The following RHOT1 variants were observed in gnomAD, a reference collection of about 807,000 sequenced individuals.
RHOT1 encodes the protein ras homolog family member T1, also known as mitochondrial Rho GTPase 1.
RHOT1 carries 27 observed loss-of-function variants against 95.3 expected under a neutral mutation model. The observed-to-expected ratio is 0.28, with a 90% CI of 0.21 to 0.39. The LOEUF (loss-of-function observed/expected upper bound fraction) is 0.39, where lower values mean the gene tolerates loss of function less well. Among genes scored for constraint, RHOT1 ranks in the 10% least tolerant of loss-of-function variants. The pLI is 1.00. For missense variants in RHOT1, 578 were observed against 786.7 expected, an observed-to-expected ratio of 0.73 and a Z score of 3.17; for synonymous variants, 227 against 263.5, an observed-to-expected ratio of 0.86 and a Z score of 1.34.
intron 13 of RHOT1, among the ~76,000 whole-genome samples, chr17:32,200,222 A>G (rs374215277): frequency 6.6e-6 from 1 of 151,842 alleles, no homozygotes; most frequent in South Asian, 2.1e-4. Context: ...GTTTTTTTCT[A>G]CTATCACTAG....
chr17:32,192,757 C>T (rs576825657), intron 9 of RHOT1, among the ~76,000 whole-genome samples: 6 of 151,602 alleles, frequency 4.0e-5, no homozygotes, highest in African/African-American at 1.2e-4. Context: ...CTGCAACCTC[C>T]GCTGCCCGGG....
intron 1 of RHOT1, among the ~76,000 whole-genome samples, chr17:32,145,145 C>A (rs1344771391): frequency 1.3e-5 from 2 of 151,750 alleles, no homozygotes; most frequent in Non-Finnish European, 2.9e-5. Flanking sequence ...ACTAACAATA[C>A]AATAATTAGT....
intron 1 of RHOT1, chr17:32,150,353 G>A: frequency 2.7e-6 from 1 of 366,596 alleles, no homozygotes; most frequent in Non-Finnish European, 4.8e-6. Flanking sequence ...TGCTGCTAAT[G>A]AACTTTTTTT....
chr17:32,159,388 C>A (rs995843259), intron 1 of RHOT1: 1 of 152,870 alleles, frequency 6.5e-6, no homozygotes, highest in African/African-American at 2.4e-5. Context: ...GAGAGGAGCC[C>A]CGAGGTGGAG....
At chr17:32,149,030 A>AG (rs1043306994) in intron 1 of RHOT1, among the ~76,000 whole-genome samples, 3 of 152,214 alleles carry the variant, frequency 2.0e-5, no homozygotes, top group Non-Finnish European at 4.4e-5. Context: ...CTGGATCAGA[A>AG]GGCCTTCTGT....
chr17:32,165,135 A>G (rs1193934008), intron 1 of RHOT1, among the ~76,000 whole-genome samples: 1 of 152,090 alleles, frequency 6.6e-6, no homozygotes, highest in Non-Finnish European at 1.5e-5. Flanking sequence ...GGTCAGATCG[A>G]GACCATCCTG....
intron 1 of RHOT1, chr17:32,143,009 G>A: frequency 1.4e-6 from 1 of 706,834 alleles, no homozygotes; most frequent in Middle Eastern, 2.3e-4. Flanking sequence ...GTCCCTATTA[G>A]CCCTAACCGC....
intron 14 of RHOT1, 136 bp from the exon 15 acceptor site, chr17:32,202,634 A>C (rs1161518761): frequency 1.6e-6 from 1 of 630,806 alleles, no homozygotes; most frequent in Non-Finnish European, 2.7e-6. Flanking sequence ...ACTGTTGTAC[A>C]ATATGTTTGT....
intron 1 of RHOT1, among the ~76,000 whole-genome samples, chr17:32,149,689 T>TCA (rs1221613373): frequency 9.3e-6 from 1 of 107,014 alleles, no homozygotes; most frequent in Non-Finnish European, 2.0e-5. Context: ...ATACATACAC[T>TCA]CACACACATA....
At chr17:32,182,387 AG>A (rs2035711840) in intron 6 of RHOT1, among the ~76,000 whole-genome samples, 1 of 152,148 alleles carries the variant, frequency 6.6e-6, no homozygotes, top group East Asian at 1.9e-4. Flanking sequence ...TAGGGAGGCT[AG>A]GGCAAGTGGA....
chr17:32,150,585 C>G, intron 1 of RHOT1: 1 of 1,587,276 alleles, frequency 6.3e-7, no homozygotes. Context: ...GAGAGGAACC[C>G]TGTCCTCCTA....
At chr17:32,191,322 T>G (rs2036473796) in intron 8 of RHOT1, among the ~76,000 whole-genome samples, 1 of 152,206 alleles carries the variant, frequency 6.6e-6, no homozygotes, top group Non-Finnish European at 1.5e-5. Flanking sequence ...CTGTCATCAT[T>G]ACCATTTTGT....
At chr17:32,156,179 C>A (rs931334139) in intron 1 of RHOT1, among the ~76,000 whole-genome samples, 1 of 152,232 alleles carries the variant, frequency 6.6e-6, no homozygotes, top group Non-Finnish European at 1.5e-5. Context: ...TCTGCCAAAT[C>A]ACTTTCCCAC....
intron 13 of RHOT1, 135 bp from the exon 14 acceptor site, chr17:32,200,821 C>A: frequency 1.7e-6 from 1 of 586,986 alleles, no homozygotes. Flanking sequence ...TATGGTTGGG[C>A]TCATAGGAAA....
chr17:32,170,886 A>G (rs528221525), intron 1 of RHOT1, among the ~76,000 whole-genome samples, 157 bp from the exon 2 acceptor site: 51 of 152,336 alleles, frequency 3.3e-4, no homozygotes, highest in African/African-American at 1.1e-3. Context: ...TGACTTTTCT[A>G]AACATAAAGA....
intron 19 of RHOT1, among the ~76,000 whole-genome samples, chr17:32,222,155 A>G (rs762764100): frequency 6.6e-6 from 1 of 152,248 alleles, no homozygotes; most frequent in Admixed American, 6.5e-5. Flanking sequence ...GGGAGGCCAA[A>G]GATGAAGAGA....
rs113778915 is a variant in RHOT1, at chr17:32,194,126, TTTGTTG to T, written c.869+31_869+36del. On this transcript the variant is annotated intron_variant, in intron 11 of 19. Coordinates refer to ENST00000545287, the MANE Select transcript of RHOT1 (RefSeq NM_001033566.3). ...TCCCCCTGTATGTACCTTTGTTTTT[TTTGTTG>T]TTGTTGTTGTTTAATTTTTTATTGA... 8 of 1,608,598 alleles carry T rather than the reference TTTGTTG, an allele frequency of 5.0e-6. No individual in the cohort carries two copies. Among genetic ancestry groups the T allele is most frequent in the Non-Finnish European group, 6.8e-6 (8 of 1,177,748 alleles).
intron 18 of RHOT1, chr17:32,208,716 T>G (rs757524681): frequency 1.2e-5 from 2 of 160,040 alleles, no homozygotes; most frequent in African/African-American, 4.8e-5. Flanking sequence ...TTCTAAAATA[T>G]TTTATTAATT....
In RHOT1 at chr17:32,207,111, C is replaced by T. The variant is rs147001894; in HGVS notation, c.1536+82C>T. 49 of 1,271,162 alleles carry T rather than the reference C, an allele frequency of 3.9e-5. No homozygotes were observed. In the East Asian group the frequency reaches 8.2e-4, roughly 21 times the overall value. 78.7% of individuals were successfully genotyped at this position (1,271,162 alleles called of 1,614,324 possible). ...ATTGCAGTGTGGTGTTTCCTAACCA[C>T]AAAAATGCAACAAAATCATGTGTAT... On this transcript the variant is annotated intron_variant, in intron 17 of 19. Transcript: ENST00000545287.
Sources: allele counts gnomAD v4.1 joint callset (sites outside exome capture counted in the v4.1 genomes callset), GRCh38; gene constraint gnomAD v4.1.1; transcripts MANE v1.5; gene names NCBI Gene and HGNC (gene_info 2026-07-23, HGNC 2026-07-21).